Variants in LSP1 observed in about 807,000 individuals in gnomAD.
The protein encoded by LSP1 is lymphocyte-specific protein 1.
A neutral mutation model predicts 49.3 loss-of-function variants in LSP1; 32 were observed. The observed-to-expected ratio is 0.65, with a 90% confidence interval of 0.49 to 0.87. The LOEUF is 0.87. LSP1 is among the 40% of genes least tolerant of loss of function. The pLI is 0.00. For synonymous variants in LSP1, 179 were observed against 178.8 expected, an observed-to-expected ratio of 1.00 and a Z score of -0.01; for missense variants, 428 against 442.6, an observed-to-expected ratio of 0.97 and a Z score of 0.30.
intron 1 of LSP1, chr11:1,868,723 C>T (rs1193106813): frequency 4.1e-6 from 4 of 985,630 alleles, no homozygotes; most frequent in South Asian, 4.7e-5. Context: ...GAAGCCCAGG[C>T]GAGCCAGCAG....
At chr11:1,859,823 T>C (rs56724803) in intron 1 of LSP1, among the ~76,000 whole-genome samples, 163 of 151,950 alleles carry the variant, frequency 1.1e-3, no homozygotes, top group African/African-American at 3.7e-3. Flanking sequence ...AACAGATGCA[T>C]GCTGCAAGCA....
rs115131371 is a variant in LSP1, at chr11:1,883,688, A to G, written c.498+128A>G. 718 of 1,212,476 alleles carry G rather than the reference A, an allele frequency of 5.9e-4. 3 individuals carry two copies. In the African/African-American group the frequency reaches 9.3e-3, roughly 16 times the overall value. 75.1% of individuals were successfully genotyped at this position (1,212,476 alleles called of 1,614,324 possible). On this transcript the variant is annotated intron_variant, in intron 4 of 10. Transcript: ENST00000311604. ...GTGGGTCAGCACCCCACACCCCTAGACCTTGCAGCCCCTTCTGGGCCCACA... is the reference window on the plus strand; with the variant it reads ...GTGGGTCAGCACCCCACACCCCTAGGCCTTGCAGCCCCTTCTGGGCCCACA...
intron 10 of LSP1, chr11:1,889,530 G>A: frequency 1.6e-6 from 1 of 614,530 alleles, no homozygotes; most frequent in Non-Finnish European, 3.0e-6. Flanking sequence ...AGGCTCTGGG[G>A]CCTCCTCCAG....
At chr11:1,877,046 C>A (rs1255185059) in intron 1 of LSP1, among the ~76,000 whole-genome samples, 1 of 152,200 alleles carries the variant, frequency 6.6e-6, no homozygotes, top group Non-Finnish European at 1.5e-5. Context: ...AACACCAAAT[C>A]CCTCGCAGCT....
chr11:1,884,919 T>C lies in LSP1; in HGVS notation c.717+338T>C, dbSNP rs1183218117. On this transcript the variant is annotated intron_variant, in intron 7 of 10. Transcript: ENST00000311604. This position sits in a 1 kb window ranked among gnomAD's most constrained non-coding sequence, Gnocchi z 4.1. ...CCTCCAATTATTCAGTGTTCCTCCA[T>C]TCAATCAATGCCCCCCTCGGAACAG... Among the ~76,000 whole-genome samples, 3 of 152,098 alleles carry C rather than the reference T, an allele frequency of 2.0e-5. No individual in the cohort carries two copies. Among genetic ancestry groups the C allele is most frequent in the Non-Finnish European group, 4.4e-5 (3 of 68,022 alleles).
intron 10 of LSP1, 101 bp downstream of exon 10, chr11:1,887,677 AC>A: frequency 1.2e-6 from 1 of 849,556 alleles, no homozygotes; most frequent in Non-Finnish European, 1.9e-6. Context: ...GTTGCAGGCT[AC>A]AAGGGTGGAC....
chr11:1,890,137 C>T (rs2133144181), intron 10 of LSP1: 1 of 717,070 alleles, frequency 1.4e-6, no homozygotes, highest in Non-Finnish European at 2.6e-6. Context: ...ACCTGGGGCC[C>T]CATGGCCCTG....
chr11:1,872,761 CT>C (rs1848097924), intron 1 of LSP1, among the ~76,000 whole-genome samples: 1 of 148,970 alleles, frequency 6.7e-6, no homozygotes, highest in Non-Finnish European at 1.5e-5. Flanking sequence ...GCGTGGGCAC[CT>C]TTGGGACGGG....
At chr11:1,870,531 G>A (rs1327500507) in intron 1 of LSP1, 1 of 1,173,350 alleles carries the variant, frequency 8.5e-7, no homozygotes, top group Non-Finnish European at 1.1e-6. Context: ...TGGTGTGGGG[G>A]TGTCAGGAAG....
intron 1 of LSP1, chr11:1,869,182 C>T (rs1382115947): frequency 1.3e-5 from 3 of 227,794 alleles, no homozygotes; most frequent in South Asian, 9.4e-5. Context: ...TCGGCTGCTA[C>T]CCATGACGGG....
At position 1,860,295 on chromosome 11, in the gene LSP1, T is replaced by TGGATG. The variant is rs1565070619; in HGVS notation, c.53+7099_53+7100insGATGG. On this transcript the variant is annotated intron_variant, in intron 1 of 10. Transcript: ENST00000311604. ...AATGATGGATGGATGGATAATTGAA[T>TGGATG]GATGGATGGATGGGTGGATGGATGG... Among the ~76,000 whole-genome samples the TGGATG allele has an allele frequency of 9.7e-3, 1,463 of 151,086 alleles. 33 individuals are homozygous for TGGATG. The highest frequency in any genetic ancestry group is 0.034 in the African/African-American group (1,401 of 41,146).
chr11:1,883,314 C>G (rs1848623439), intron 3 of LSP1, 105 bp from the exon 4 acceptor site: 2 of 1,421,178 alleles, frequency 1.4e-6, no homozygotes, highest in Non-Finnish European at 1.9e-6. Flanking sequence ...AGTAGCCTGA[C>G]TACCTTCATT....
At chr11:1,874,532 G>A (rs1848227151) in intron 1 of LSP1, among the ~76,000 whole-genome samples, 1 of 152,124 alleles carries the variant, frequency 6.6e-6, no homozygotes, top group African/African-American at 2.4e-5. Context: ...CAGGGCTCCA[G>A]GGGAGGCCAG....
chr11:1,879,766 G>A (rs751619538), intron 1 of LSP1, among the ~76,000 whole-genome samples: 4 of 152,192 alleles, frequency 2.6e-5, no homozygotes, highest in Non-Finnish European at 5.9e-5. Flanking sequence ...GGGACAGAGG[G>A]CCTTTTGTCC....
chr11:1,889,251 T>C, intron 10 of LSP1: 1 of 676,666 alleles, frequency 1.5e-6, no homozygotes, highest in Non-Finnish European at 2.7e-6. Flanking sequence ...CTCCTGCAGC[T>C]TCCGGGCGTT....
chr11:1,870,421 C>A, intron 1 of LSP1: 1 of 1,216,504 alleles, frequency 8.2e-7, no homozygotes, highest in Non-Finnish European at 1.1e-6. Context: ...CTTCCCTGCA[C>A]CCCCAGGGAT....
intron 4 of LSP1, 120 bp downstream of exon 4, chr11:1,883,680 AC>A: frequency 7.9e-7 from 1 of 1,258,180 alleles, no homozygotes; most frequent in Non-Finnish European, 1.1e-6. Context: ...AGCACCCCAC[AC>A]CCCTAGACCT....
At chr11:1,865,248 T>C in intron 1 of LSP1, 8 of 985,318 alleles carry the variant, frequency 8.1e-6, no homozygotes, top group Non-Finnish European at 9.6e-6. Context: ...AGACAGGGCC[T>C]GGATACCTCT....
chr11:1,869,825 CTG>C (rs1382231676), intron 1 of LSP1: 1 of 467,338 alleles, frequency 2.1e-6, no homozygotes, highest in Non-Finnish European at 4.4e-6. Context: ...TTCCCCGAGA[CTG>C]AGAAATGAAT....
Sources: allele counts gnomAD v4.1 joint callset (sites outside exome capture counted in the v4.1 genomes callset), GRCh38; gene constraint gnomAD v4.1.1; non-coding constraint Gnocchi (gnomAD v3.1); transcripts MANE v1.5; gene names NCBI Gene and HGNC (gene_info 2026-07-23, HGNC 2026-07-21).